The following CNTLN variants were observed in gnomAD, a reference collection of about 807,000 sequenced individuals.
The protein encoded by CNTLN is centlein, centrosomal protein.
A neutral mutation model predicts 180.0 loss-of-function variants in CNTLN; 212 were observed. The ratio of observed to expected loss-of-function variants is 1.18; its 90% CI spans 1.05 to 1.32. The LOEUF (loss-of-function observed/expected upper bound fraction) is 1.32, where lower values mean the gene tolerates loss of function less well. Among genes scored for constraint, CNTLN ranks in the 40% most tolerant of loss-of-function variants. CNTLN has a pLI of 0.00. For missense variants in CNTLN, 2,095 were observed against 1,610.9 expected, an observed-to-expected ratio of 1.30 and a Z score of -5.14; for synonymous variants, 722 against 563.1, an observed-to-expected ratio of 1.28 and a Z score of -3.99.
intron 13 of CNTLN, 85 bp downstream of exon 13, chr9:17,366,802 A>T: frequency 1.3e-6 from 1 of 768,138 alleles, no homozygotes; most frequent in Admixed American, 2.7e-5. Context: ...TCTTTTAAGA[A>T]TCTTACCCTT....
intron 1 of CNTLN, 76 bp downstream of exon 1, chr9:17,135,501 C>G: frequency 6.7e-7 from 1 of 1,499,218 alleles, no homozygotes; most frequent in Non-Finnish European, 8.9e-7. Flanking sequence ...GCCTTTCTCC[C>G]TCTGCCTTGG....
intron 1 of CNTLN, among the ~76,000 whole-genome samples, chr9:17,140,184 G>A (rs17754240): frequency 0.05 from 7,596 of 151,956 alleles, 257 homozygotes; most frequent in South Asian, 0.14. Flanking sequence ...AGTAATTCTA[G>A]GTGTAATCCA....
At chr9:17,365,886 C>T (rs923847355) in intron 12 of CNTLN, among the ~76,000 whole-genome samples, 9 of 152,110 alleles carry the variant, frequency 5.9e-5, no homozygotes, top group African/African-American at 1.2e-4. Context: ...GTAGGGGCTG[C>T]AGTAAGCCAC....
At chr9:17,481,402 A>G (rs1414187440) in intron 23 of CNTLN, among the ~76,000 whole-genome samples, 1 of 152,156 alleles carries the variant, frequency 6.6e-6, no homozygotes, top group East Asian at 1.9e-4. Context: ...TGGTCAAGGA[A>G]CCCAGCCTGT....
chr9:17,223,884 A>G lies in CNTLN; in HGVS notation c.450-2319A>G, dbSNP rs80211254. On this transcript the variant is annotated intron_variant, in intron 2 of 25. Coordinates refer to ENST00000380647, the MANE Select transcript of CNTLN (RefSeq NM_017738.4). ...CTACCATTTCCTTATCTACTTTACT[A>G]TAAATGTGTGTACTTCCGTGCTGTT... 5.7e-3 allele frequency among the ~76,000 whole-genome samples: 867 copies of G among 152,058 alleles called. 9 individuals are homozygous for G. Among genetic ancestry groups the G allele is most frequent in the African/African-American group, 0.02 (829 of 41,518 alleles).
At chr9:17,158,849 C>G (rs936737104) in intron 2 of CNTLN, among the ~76,000 whole-genome samples, 2 of 151,778 alleles carry the variant, frequency 1.3e-5, no homozygotes, top group South Asian at 4.2e-4. Context: ...TTCTGTTTTT[C>G]TTTTCTCTAT....
intron 18 of CNTLN, among the ~76,000 whole-genome samples, chr9:17,424,711 A>G (rs1242412235): frequency 6.6e-6 from 1 of 152,210 alleles, no homozygotes; most frequent in Non-Finnish European, 1.5e-5. Context: ...AATTAGGATT[A>G]CATAAGGTCA....
chr9:17,344,598 TTA>T (rs1821732511), intron 12 of CNTLN, among the ~76,000 whole-genome samples: 1 of 152,084 alleles, frequency 6.6e-6, no homozygotes, highest in Non-Finnish European at 1.5e-5. Context: ...GGAAACATGT[TTA>T]GTATTAAACA....
At chr9:17,311,807 A>G (rs539935797) in intron 8 of CNTLN, among the ~76,000 whole-genome samples, 6 of 152,198 alleles carry the variant, frequency 3.9e-5, no homozygotes, top group Admixed American at 3.9e-4. Flanking sequence ...CTCCATATCA[A>G]GAAGAAAAAA....
chr9:17,306,933 G>C (rs1818757066), intron 7 of CNTLN, among the ~76,000 whole-genome samples: 1 of 152,096 alleles, frequency 6.6e-6, no homozygotes, highest in Non-Finnish European at 1.5e-5. Flanking sequence ...AGCCAGGTTA[G>C]CTCTTGTGTC....
chr9:17,385,097 CTTGT>C (rs1825586424), intron 13 of CNTLN, among the ~76,000 whole-genome samples: 2 of 152,118 alleles, frequency 1.3e-5, no homozygotes, highest in Non-Finnish European at 2.9e-5. Flanking sequence ...TTTACTATTG[CTTGT>C]TTATTATAAA....
intron 13 of CNTLN, among the ~76,000 whole-genome samples, chr9:17,377,405 G>T (rs903574644): frequency 2.0e-5 from 3 of 152,248 alleles, no homozygotes; most frequent in African/African-American, 7.2e-5. Flanking sequence ...GCCGGGCGTA[G>T]TGGTGCGTGC....
At chr9:17,141,164 T>C (rs950939088) in intron 1 of CNTLN, among the ~76,000 whole-genome samples, 6 of 152,142 alleles carry the variant, frequency 3.9e-5, no homozygotes, top group African/African-American at 1.2e-4. Context: ...GTCTGTTACT[T>C]GGGCAGAATT....
At chr9:17,522,365 G>A in the CNTLN span, among the ~76,000 whole-genome samples, 6 of 152,110 alleles carry the variant, frequency 3.9e-5, no homozygotes, top group South Asian at 2.1e-4. Flanking sequence ...AGGCTCAGCC[G>A]CTAACTTGCC....
chr9:17,141,554 A>C (rs1223702890), intron 1 of CNTLN, among the ~76,000 whole-genome samples: 1 of 152,134 alleles, frequency 6.6e-6, no homozygotes, highest in African/African-American at 2.4e-5. Context: ...GGCCATATGG[A>C]GTCTTGTAGC....
chr9:17,287,970 C>A (rs376554534), intron 6 of CNTLN, among the ~76,000 whole-genome samples: 3 of 142,476 alleles, frequency 2.1e-5, no homozygotes, highest in Non-Finnish European at 4.5e-5. Context: ...TCCTGGATTC[C>A]TTGATTTTTT....
chr9:17,308,825 C>A (rs561161786), intron 7 of CNTLN, among the ~76,000 whole-genome samples: 13 of 151,452 alleles, frequency 8.6e-5, no homozygotes, highest in Middle Eastern at 3.4e-3. Context: ...AACATATTTT[C>A]TAGTTTTTAT....
intron 2 of CNTLN, among the ~76,000 whole-genome samples, chr9:17,211,347 T>C (rs1364960698): frequency 6.6e-6 from 1 of 152,176 alleles, no homozygotes; most frequent in Non-Finnish European, 1.5e-5. Context: ...GTCAGGTTTG[T>C]CAAAGATCAG....
intron 18 of CNTLN, among the ~76,000 whole-genome samples, chr9:17,427,435 G>C (rs1200526902): frequency 6.6e-6 from 1 of 151,942 alleles, no homozygotes; most frequent in Admixed American, 6.6e-5. Flanking sequence ...TGTATTTCCT[G>C]TCAAATATGA....
Sources: gnomAD v4.1 joint callset for allele counts (sites outside exome capture counted in the v4.1 genomes callset) on GRCh38, gnomAD v4.1.1 for gene constraint, MANE v1.5 for transcripts, NCBI Gene and HGNC (gene_info 2026-07-23, HGNC 2026-07-21) for gene names.